KIF18A: variants seen among roughly 807,000 people sequenced by gnomAD.
KIF18A encodes the protein kinesin-like protein KIF18A.
KIF18A carries 67 observed loss-of-function variants against 103.3 expected under a neutral mutation model. That is an observed-to-expected ratio of 0.65 (90% CI 0.53 to 0.79). The LOEUF (loss-of-function observed/expected upper bound fraction) is 0.79, where lower values mean the gene tolerates loss of function less well. Ranked by LOEUF, KIF18A falls within the 30% of genes least tolerant of loss-of-function variation. The pLI is 0.00. For missense variants in KIF18A, 1,032 were observed against 1,062.5 expected (o/e 0.97, Z 0.40); for synonymous variants, 367 against 355.5 (o/e 1.03, Z -0.36).
chr11:28,065,725 C>G lies in KIF18A; in HGVS notation c.1591-3209G>C, dbSNP rs369123692. Among the ~76,000 whole-genome samples the G allele has an allele frequency of 3.9e-5, 6 of 151,942 alleles. No individual in the cohort carries two copies. The East Asian group carries it at 1.2e-3, about 29-fold the overall frequency. On this transcript the variant is annotated intron_variant, in intron 11 of 16. Transcript: ENST00000263181. ...AGGCAAACTAGTAAATTTCTACAAT[C>G]GACTTTTTTGCCTGCTTAATACTTC...
chr11:28,047,720 A>G (rs1850655931), intron 13 of KIF18A, among the ~76,000 whole-genome samples: 1 of 152,176 alleles, frequency 6.6e-6, no homozygotes, highest in South Asian at 2.1e-4. Flanking sequence ...AATAAACATA[A>G]TGGAGACTTA....
At chr11:28,088,114 A>T (rs1312832336) in intron 6 of KIF18A, among the ~76,000 whole-genome samples, 1 of 152,060 alleles carries the variant, frequency 6.6e-6, no homozygotes, top group African/African-American at 2.4e-5. Context: ...TTTAATACTT[A>T]ACCCTATTTT....
intron 1 of KIF18A, among the ~76,000 whole-genome samples, chr11:28,107,543 G>T (rs1851546427): frequency 6.6e-6 from 1 of 152,166 alleles, no homozygotes; most frequent in East Asian, 1.9e-4. Flanking sequence ...TTATCTCGAT[G>T]CTACCTACAA....
chr11:28,098,776 C>G (rs1272733838), intron 1 of KIF18A, among the ~76,000 whole-genome samples: 1 of 151,482 alleles, frequency 6.6e-6, no homozygotes, highest in African/African-American at 2.4e-5. Flanking sequence ...AGTAAAGTAA[C>G]AAAGATCAAT....
In KIF18A at chr11:28,059,116, T is replaced by C. The variant is rs1172739074; in HGVS notation, c.1758A>G (p.Thr586=). ...CATTTGACAGGCCGGCTTCTTTTAA[T>C]GTGCAATATTGTTTTCTTAGGGTTG... ...LLPTLRKQYC[T]LKEAGLSNAA... Residue 586 remains threonine, a synonymous_variant, in exon 13 of 17, where the codon ACA becomes ACG. Coordinates refer to ENST00000263181, the MANE Select transcript of KIF18A (RefSeq NM_031217.4). 2 of 1,614,074 alleles carry C rather than the reference T, an allele frequency of 1.2e-6. No individual in the cohort carries two copies. The highest frequency in any genetic ancestry group is 2.2e-5 in the East Asian group (1 of 44,868).
At chr11:28,027,999 T>C (rs921573239) in intron 15 of KIF18A, among the ~76,000 whole-genome samples, 2 of 152,030 alleles carry the variant, frequency 1.3e-5, no homozygotes, top group African/African-American at 2.4e-5. Context: ...TCATTCATCA[T>C]GGCCAAGTGG....
chr11:28,076,827 G>C, intron 10 of KIF18A, 180 bp downstream of exon 10: 3 of 368,430 alleles, frequency 8.1e-6, no homozygotes, highest in Non-Finnish European at 1.4e-5. Flanking sequence ...CCAGCTAGCT[G>C]GGAGGCTGAG....
chr11:28,102,661 A>G (rs1307217516), intron 1 of KIF18A, among the ~76,000 whole-genome samples: 2 of 152,232 alleles, frequency 1.3e-5, no homozygotes, highest in South Asian at 2.1e-4. Context: ...ATATTTTAAC[A>G]AAGACATGGA....
intron 13 of KIF18A, among the ~76,000 whole-genome samples, chr11:28,048,462 T>C (rs1850667560): frequency 6.6e-6 from 1 of 152,070 alleles, no homozygotes. Flanking sequence ...CTACAGCAAG[T>C]AGTTCAGTGA....
At chr11:28,047,729 TA>T (rs1433147053) in intron 13 of KIF18A, among the ~76,000 whole-genome samples, 1 of 151,986 alleles carries the variant, frequency 6.6e-6, no homozygotes, top group African/African-American at 2.4e-5. Flanking sequence ...AATGGAGACT[TA>T]AAAAAATAAA....
At chr11:28,085,806 G>A (rs1236989612) in intron 6 of KIF18A, among the ~76,000 whole-genome samples, 10 of 151,906 alleles carry the variant, frequency 6.6e-5, no homozygotes, top group Non-Finnish European at 1.3e-4. Context: ...TCTCGTCTCC[G>A]CACACGGGGA....
At chr11:28,069,064 T>C (rs917315567) in intron 11 of KIF18A, among the ~76,000 whole-genome samples, 195 bp downstream of exon 11, 1 of 152,180 alleles carries the variant, frequency 6.6e-6, no homozygotes, top group African/African-American at 2.4e-5. Context: ...GAAATAGAAT[T>C]GTTTATTTTA....
intron 13 of KIF18A, among the ~76,000 whole-genome samples, chr11:28,042,145 A>C (rs1274681735): frequency 6.6e-6 from 1 of 151,790 alleles, no homozygotes. Flanking sequence ...GATGAGTGTT[A>C]TTATTATGCT....
chr11:28,055,966 C>G (rs1030131635), intron 13 of KIF18A, among the ~76,000 whole-genome samples: 1 of 152,016 alleles, frequency 6.6e-6, no homozygotes, highest in Non-Finnish European at 1.5e-5. Flanking sequence ...TTCATGGATG[C>G]TCATATCCTT....
intron 8 of KIF18A, 21 bp downstream of exon 8, chr11:28,083,148 T>G: frequency 6.4e-7 from 1 of 1,572,730 alleles, no homozygotes; most frequent in Non-Finnish European, 8.6e-7. Context: ...AAGACTAGCA[T>G]AAAAATATAA....
intron 13 of KIF18A, among the ~76,000 whole-genome samples, chr11:28,050,160 T>C (rs1209845164): frequency 6.6e-6 from 1 of 151,838 alleles, no homozygotes; most frequent in East Asian, 1.9e-4. Context: ...TGTTTCTCTC[T>C]CAGTTTCATT....
chr11:28,069,492 T>G (rs1014072444), intron 10 of KIF18A, 69 bp from the exon 11 acceptor site: 6 of 1,408,066 alleles, frequency 4.3e-6, no homozygotes, highest in Non-Finnish European at 5.9e-6. Flanking sequence ...ATTAGTAAAC[T>G]AGTATATTTT....
chr11:28,075,376 T>C (rs1438559640), intron 10 of KIF18A, among the ~76,000 whole-genome samples: 1 of 152,162 alleles, frequency 6.6e-6, no homozygotes, highest in Non-Finnish European at 1.5e-5. Flanking sequence ...GGTTTCCTCA[T>C]TGATTATTAG....
chr11:28,094,477 T>TA (rs201296054), intron 3 of KIF18A, among the ~76,000 whole-genome samples, 166 bp downstream of exon 3: 21,592 of 137,398 alleles, frequency 0.16, 1,699 homozygotes, highest in East Asian at 0.29. Context: ...TTTGCCAAAG[T>TA]AAAAAAAAAA....
Sources: allele counts gnomAD v4.1 joint callset (sites outside exome capture counted in the v4.1 genomes callset), GRCh38; gene constraint gnomAD v4.1.1; transcripts MANE v1.5; gene names NCBI Gene and HGNC (gene_info 2026-07-23, HGNC 2026-07-21).